The following FMNL2 variants were observed in gnomAD, a reference collection of about 807,000 sequenced individuals.
FMNL2 encodes formin-like protein 2.
FMNL2 carries 51 observed loss-of-function variants against 130.2 expected under a neutral mutation model. The ratio of observed to expected loss-of-function variants is 0.39; its 90% CI spans 0.31 to 0.49. The LOEUF is 0.49. Ranked by LOEUF, FMNL2 falls within the 20% of genes least tolerant of loss-of-function variation. FMNL2 has a pLI of 0.85. For synonymous variants in FMNL2, 465 were observed against 467.1 expected, an observed-to-expected ratio of 1.00 and a Z score of 0.06; for missense variants, 977 against 1,316.2, an observed-to-expected ratio of 0.74 and a Z score of 3.99.
At chr2:152,346,057 C>T (rs10803964) in intron 1 of FMNL2, among the ~76,000 whole-genome samples, 125,971 of 151,866 alleles carry the variant, frequency 0.83, 53,350 homozygotes, top group East Asian at 0.96. Context: ...TGGAGTCTCA[C>T]TCTGTTGCCC....
chr2:152,454,187 G>T (rs373679482), intron 1 of FMNL2, among the ~76,000 whole-genome samples: 4 of 152,266 alleles, frequency 2.6e-5, no homozygotes, highest in African/African-American at 7.2e-5. Flanking sequence ...TGACACAGGA[G>T]AATCACTTGA....
At chr2:152,410,206 G>A (rs549834853) in intron 1 of FMNL2, among the ~76,000 whole-genome samples, 1 of 152,304 alleles carries the variant, frequency 6.6e-6, no homozygotes, top group South Asian at 2.1e-4. Context: ...TGTGAACACA[G>A]TGCCTTTGTG....
intron 25 of FMNL2, chr2:152,643,309 AC>A (rs953181140): frequency 1.4e-6 from 2 of 1,447,242 alleles, no homozygotes; most frequent in African/African-American, 1.4e-5. Flanking sequence ...CATCTTCCCC[AC>A]CCCCATCCCC....
intron 1 of FMNL2, among the ~76,000 whole-genome samples, chr2:152,400,603 C>G (rs931382594): frequency 2.0e-5 from 3 of 152,118 alleles, no homozygotes; most frequent in African/African-American, 7.2e-5. Flanking sequence ...TTTCTACCTA[C>G]CTGTTTTCTT....
At position 152,564,776 on chromosome 2, in the gene FMNL2, G is replaced by GTTTTTTTTTTTTT. The variant is rs56378937; in HGVS notation, c.596+3751_596+3763dup. ...CACTGCGTTCTAAAATACAAGGTTGGTTTTTTTTTTTTTTTTTTTTTTAAC... is the reference window on the plus strand; with the variant it reads ...CACTGCGTTCTAAAATACAAGGTTGGTTTTTTTTTTTTTTTTTTTTTTTTTTTTTTTTTTTAAC... On this transcript the variant is annotated intron_variant, in intron 6 of 25. Transcript: ENST00000288670. Among the ~76,000 whole-genome samples, 14 of 79,318 alleles carry GTTTTTTTTTTTTT rather than the reference G, an allele frequency of 1.8e-4. 1 individual carries two copies. Among genetic ancestry groups the GTTTTTTTTTTTTT allele is most frequent in the East Asian group, 3.6e-4 (1 of 2,804 alleles). 52.0% of individuals were successfully genotyped at this position (79,318 alleles called of 152,430 possible).
At chr2:152,621,101 T>A in intron 15 of FMNL2, 1 of 985,438 alleles carries the variant, frequency 1.0e-6, no homozygotes, top group Non-Finnish European at 1.2e-6. Flanking sequence ...TGTCAGTAAC[T>A]GGGTGTGGAA....
intron 10 of FMNL2, among the ~76,000 whole-genome samples, chr2:152,610,826 A>G (rs929235239): frequency 2.0e-5 from 3 of 152,264 alleles, no homozygotes; most frequent in Admixed American, 6.5e-5. Flanking sequence ...GCTGGGTCAT[A>G]TGATAATGCT....
chr2:152,483,531 G>C (rs1252269289), intron 1 of FMNL2, among the ~76,000 whole-genome samples: 1 of 152,156 alleles, frequency 6.6e-6, no homozygotes, highest in Non-Finnish European at 1.5e-5. Flanking sequence ...TGGAAACTCG[G>C]AACTCTTCCC....
chr2:152,560,186 A>G (rs1297572889), intron 5 of FMNL2, among the ~76,000 whole-genome samples: 3 of 151,826 alleles, frequency 2.0e-5, no homozygotes, highest in African/African-American at 7.3e-5. Flanking sequence ...CTTTTGAGAA[A>G]GCACAGTTAC....
chr2:152,429,685 G>C (rs1490023771), intron 1 of FMNL2, among the ~76,000 whole-genome samples: 2 of 151,400 alleles, frequency 1.3e-5, no homozygotes, highest in East Asian at 3.9e-4. Context: ...TTGGGGAAAT[G>C]CTCTTTCTTT....
At chr2:152,530,637 T>A (rs1009026404) in intron 2 of FMNL2, among the ~76,000 whole-genome samples, 9 of 152,168 alleles carry the variant, frequency 5.9e-5, no homozygotes, top group Non-Finnish European at 1.3e-4. Context: ...AAAAGATACA[T>A]ACACTTAAAA....
intron 1 of FMNL2, among the ~76,000 whole-genome samples, chr2:152,399,901 G>C (rs1400014598): frequency 6.6e-6 from 1 of 152,178 alleles, no homozygotes; most frequent in African/African-American, 2.4e-5. Flanking sequence ...TGTGTGAGTA[G>C]ATAGGTGGGG....
At chr2:152,612,905 G>C (rs908064202) in intron 11 of FMNL2, among the ~76,000 whole-genome samples, 3 of 152,188 alleles carry the variant, frequency 2.0e-5, no homozygotes, top group Non-Finnish European at 4.4e-5. Flanking sequence ...GAATATAGAA[G>C]TACTTCCTTT....
Position 152,640,145 on chromosome 2 carries a change from G to C in FMNL2, c.3045+89G>C, listed in dbSNP as rs552218357. 8.8e-6 allele frequency: 10 copies of C among 1,131,046 alleles called. No individual in the cohort carries two copies. The Admixed American group carries it at 3.1e-4, about 35-fold the overall frequency. The allele number at this position is 1,131,046 out of a possible 1,614,324, so 70.1% of individuals were successfully genotyped here. A position where few individuals can be genotyped will look rare whatever the true frequency, so the allele number is the denominator to read the frequency against. On this transcript the variant is annotated intron_variant, in intron 24 of 25. Coordinates refer to ENST00000288670, the MANE Select transcript of FMNL2 (RefSeq NM_052905.4). ...AGCCATACAAAGGACCAGCAAGCCA[G>C]GTGTGCCCAGGATCCTGACCACTTC... is the stretch of plus-strand genomic sequence containing the variant.
At chr2:152,541,188 G>T (rs1038233994) in intron 2 of FMNL2, among the ~76,000 whole-genome samples, 3 of 151,468 alleles carry the variant, frequency 2.0e-5, no homozygotes, top group Middle Eastern at 3.4e-3. Context: ...ACAGGGTCTC[G>T]CTCTGTTACC....
chr2:152,414,443 C>T (rs887130615), intron 1 of FMNL2, among the ~76,000 whole-genome samples: 5 of 152,156 alleles, frequency 3.3e-5, no homozygotes, highest in South Asian at 2.1e-4. Context: ...ATCACTTCTC[C>T]GTGGACATGT....
At position 152,611,593 on chromosome 2, in the gene FMNL2, C is replaced by T. The variant is rs35776654; in HGVS notation, c.1050C>T (p.Asp350=). The part of the protein sequence containing the change: ...LQYEFTKLGL[D]EYLDKLKHTE... The stretch of plus-strand genomic sequence containing the variant: ...ATGAATTTACCAAATTAGGCCTGGA[C>T]GAATACTTGGACGTGAGTATAGCTG... Residue 350 remains aspartate (D), a synonymous_variant, in exon 11 of 26, where the codon GAC becomes GAT. Transcript: ENST00000288670. The T allele has an allele frequency of 0.13, 199,194 of 1,587,618 alleles. 14,258 individuals carry two copies. The highest frequency in any genetic ancestry group is 0.14 in the Non-Finnish European group (163,980 of 1,160,716).
At chr2:152,536,162 A>G (rs1192206731) in intron 2 of FMNL2, among the ~76,000 whole-genome samples, 1 of 152,210 alleles carries the variant, frequency 6.6e-6, no homozygotes, top group Non-Finnish European at 1.5e-5. Context: ...CCCACCCTGC[A>G]CCACGCAGGT....
At chr2:152,338,881 A>G (rs1225559839) in intron 1 of FMNL2, among the ~76,000 whole-genome samples, 2 of 149,930 alleles carry the variant, frequency 1.3e-5, no homozygotes, top group Non-Finnish European at 1.5e-5. Flanking sequence ...GTGTGTGTGT[A>G]TGTGCAATGT....
Sources: gnomAD v4.1 joint callset for allele counts (sites outside exome capture counted in the v4.1 genomes callset) on GRCh38, gnomAD v4.1.1 for gene constraint, MANE v1.5 for transcripts, NCBI Gene and HGNC (gene_info 2026-07-23, HGNC 2026-07-21) for gene names.